TMEM38B: variants seen among roughly 807,000 people sequenced by gnomAD.
TMEM38B encodes the protein trimeric intracellular cation channel type B.
In TMEM38B, 24 loss-of-function variants were observed where a neutral mutation model predicts 28.7. The ratio of observed to expected loss-of-function variants is 0.84; its 90% confidence interval spans 0.61 to 1.18. The LOEUF is 1.18. TMEM38B is among the 50% of genes most tolerant of loss of function. The pLI is 0.00. For missense variants in TMEM38B, 380 were observed against 350.9 expected, an observed-to-expected ratio of 1.08 and a Z score of -0.66; for synonymous variants, 131 against 127.7, an observed-to-expected ratio of 1.03 and a Z score of -0.17.
chr9:105,764,829 C>G (rs532432771), intron 5 of TMEM38B, among the ~76,000 whole-genome samples: 1 of 151,754 alleles, frequency 6.6e-6, no homozygotes, highest in African/African-American at 2.4e-5. Context: ...TGACTTCAAA[C>G]TATACTACAA....
chr9:105,707,354 C>T (rs1426245430), intron 2 of TMEM38B, among the ~76,000 whole-genome samples: 3 of 151,866 alleles, frequency 2.0e-5, no homozygotes, highest in Non-Finnish European at 2.9e-5. Context: ...TCTTGCAAAT[C>T]CAAATTCGTT....
chr9:105,722,759 G>T, intron 4 of TMEM38B, 138 bp downstream of exon 4: 1 of 603,772 alleles, frequency 1.7e-6, no homozygotes, highest in Non-Finnish European at 2.7e-6. Flanking sequence ...AATGGGAAGA[G>T]AACTAGCAAA....
At chr9:105,732,411 A>C (rs564086886) in intron 4 of TMEM38B, among the ~76,000 whole-genome samples, 2 of 152,152 alleles carry the variant, frequency 1.3e-5, no homozygotes, top group African/African-American at 4.8e-5. Context: ...GGTATTGCCT[A>C]GGTTTTCTTC....
intron 4 of TMEM38B, among the ~76,000 whole-genome samples, chr9:105,731,936 G>A (rs1836765729): frequency 6.6e-6 from 1 of 152,108 alleles, no homozygotes; most frequent in African/African-American, 2.4e-5. Flanking sequence ...GTGTAAAAGT[G>A]TTCCTATTTC....
chr9:105,712,447 C>T (rs533598304), intron 2 of TMEM38B, among the ~76,000 whole-genome samples: 11 of 152,280 alleles, frequency 7.2e-5, no homozygotes, highest in African/African-American at 2.4e-4. Context: ...CAGAGCCAGT[C>T]GATTTGCAGT....
chr9:105,726,103 A>C (rs1383443942), intron 4 of TMEM38B, among the ~76,000 whole-genome samples: 2 of 152,132 alleles, frequency 1.3e-5, no homozygotes, highest in Non-Finnish European at 2.9e-5. Context: ...GATATCCATC[A>C]CTTCAAGCAT....
At chr9:105,746,491 G>A (rs867008451) in intron 4 of TMEM38B, among the ~76,000 whole-genome samples, 2 of 152,198 alleles carry the variant, frequency 1.3e-5, no homozygotes, top group African/African-American at 2.4e-5. Context: ...AGACGATGGC[G>A]TTTTCTAAAT....
intron 4 of TMEM38B, among the ~76,000 whole-genome samples, chr9:105,728,512 A>T (rs1374427675): frequency 6.6e-6 from 1 of 152,160 alleles, no homozygotes; most frequent in South Asian, 2.1e-4. Context: ...GGTTGGTTCC[A>T]AGTCTTTGCT....
rs150696152 is a variant in TMEM38B, at chr9:105,769,418, T to A, written c.661-4447T>A. On this transcript the variant is annotated intron_variant, in intron 5 of 5. Coordinates refer to ENST00000374692, the MANE Select transcript of TMEM38B (RefSeq NM_018112.3). ...GCAGCCTTGACTTCCCAGGCTCAAG[T>A]GATCTTCCCACCTCAGCCTCCTGAG... 9.0e-3 allele frequency among the ~76,000 whole-genome samples: 1,372 copies of A among 152,244 alleles called. 32 individuals are homozygous for A. Among genetic ancestry groups the A allele is most frequent in the African/African-American group, 0.031 (1,276 of 41,554 alleles).
intron 5 of TMEM38B, among the ~76,000 whole-genome samples, chr9:105,757,910 A>C (rs1837890940): frequency 6.6e-6 from 1 of 152,256 alleles, no homozygotes. Flanking sequence ...GCAGTTTGGC[A>C]ATATCTGACA....
chr9:105,758,713 T>A (rs1456240885), intron 5 of TMEM38B: 1 of 738,758 alleles, frequency 1.4e-6, no homozygotes, highest in East Asian at 2.6e-5. Flanking sequence ...ATAGAGAACT[T>A]TTCCAAAGAT....
intron 2 of TMEM38B, among the ~76,000 whole-genome samples, chr9:105,716,304 G>T (rs949329345): frequency 4.6e-5 from 7 of 151,966 alleles, no homozygotes; most frequent in Non-Finnish European, 7.4e-5. Flanking sequence ...AACCCTTTCA[G>T]AACTTCTTAT....
chr9:105,734,795 T>C (rs1836908909), intron 4 of TMEM38B, among the ~76,000 whole-genome samples: 1 of 152,088 alleles, frequency 6.6e-6, no homozygotes. Flanking sequence ...TGTTTTTCAT[T>C]CATTTACTTT....
chr9:105,747,448 C>G (rs1181203043), intron 4 of TMEM38B, among the ~76,000 whole-genome samples: 1 of 151,930 alleles, frequency 6.6e-6, no homozygotes, highest in Non-Finnish European at 1.5e-5. Flanking sequence ...TTTATTGCGT[C>G]TATTTGAGTC....
At chr9:105,705,540 G>T in intron 1 of TMEM38B, 57 bp from the exon 2 acceptor site, 1 of 1,498,426 alleles carries the variant, frequency 6.7e-7, no homozygotes, top group Non-Finnish European at 9.0e-7. Flanking sequence ...TTGTACTTTG[G>T]GGCTTGTTTA....
intron 4 of TMEM38B, among the ~76,000 whole-genome samples, chr9:105,735,822 A>G (rs900042368): frequency 6.6e-6 from 1 of 152,140 alleles, no homozygotes; most frequent in Non-Finnish European, 1.5e-5. Context: ...TGTGGATATC[A>G]GTATCTCAAC....
chr9:105,725,248 TAATC>T (rs1458684652), intron 4 of TMEM38B, among the ~76,000 whole-genome samples: 1 of 151,936 alleles, frequency 6.6e-6, no homozygotes. Context: ...GTAATTTACT[TAATC>T]ATTATGTTTA....
chr9:105,726,861 CTT>C (rs964818042), intron 4 of TMEM38B, among the ~76,000 whole-genome samples: 4 of 151,244 alleles, frequency 2.6e-5, no homozygotes, highest in African/African-American at 7.3e-5. Context: ...TCCTCTAGTC[CTT>C]TTTTTTGCCT....
At chr9:105,707,503 TTA>T (rs1157203820) in intron 2 of TMEM38B, among the ~76,000 whole-genome samples, 1 of 152,188 alleles carries the variant, frequency 6.6e-6, no homozygotes, top group Non-Finnish European at 1.5e-5. Context: ...CAGTTCATTT[TTA>T]TTGTGATAAT....
Sources: gnomAD v4.1 joint callset for allele counts (sites outside exome capture counted in the v4.1 genomes callset) on GRCh38, gnomAD v4.1.1 for gene constraint, MANE v1.5 for transcripts, NCBI Gene and HGNC (gene_info 2026-07-23, HGNC 2026-07-21) for gene names.